Variants in SORCS2 observed in about 807,000 individuals in gnomAD.
SORCS2 encodes sortilin related VPS10 domain containing receptor 2, also known as VPS10 domain-containing receptor SorCS2.
A neutral mutation model predicts 141.6 loss-of-function variants in SORCS2; 100 were observed. The ratio of observed to expected loss-of-function variants is 0.71; its 90% CI spans 0.60 to 0.83. The LOEUF (loss-of-function observed/expected upper bound fraction) is 0.83, where lower values mean the gene tolerates loss of function less well. Ranked by LOEUF, SORCS2 falls within the 40% of genes least tolerant of loss-of-function variation. SORCS2 has a pLI of 0.00. For synonymous variants in SORCS2, 789 were observed against 676.9 expected (o/e 1.17, Z -2.57); for missense variants, 1,646 against 1,560.2 (o/e 1.05, Z -0.93).
chr4:7,697,742 C>T, intron 12 of SORCS2, among the ~76,000 whole-genome samples: 1 of 149,696 alleles, frequency 6.7e-6, no homozygotes, highest in South Asian at 2.1e-4. Flanking sequence ...GCTGTGGACA[C>T]AGCAGTGAAA....
chr4:7,307,896 ATGTC>A (rs1375660821), intron 1 of SORCS2, among the ~76,000 whole-genome samples: 2 of 150,954 alleles, frequency 1.3e-5, no homozygotes, highest in East Asian at 1.9e-4. Context: ...GTTTGTGTAT[ATGTC>A]TGTGCATGAG....
At chr4:7,713,148 G>T (rs1284140633) in intron 15 of SORCS2, among the ~76,000 whole-genome samples, 5 of 152,102 alleles carry the variant, frequency 3.3e-5, no homozygotes, top group African/African-American at 1.2e-4. Flanking sequence ...TGGGGTTCAG[G>T]ATGTTCAGAT....
intron 3 of SORCS2, among the ~76,000 whole-genome samples, chr4:7,572,933 T>C (rs766545615): frequency 6.6e-6 from 1 of 152,250 alleles, no homozygotes; most frequent in Admixed American, 6.5e-5. Flanking sequence ...TTTCATAACA[T>C]TGGAAATATT....
intron 1 of SORCS2, among the ~76,000 whole-genome samples, chr4:7,251,050 TGTGG>T (rs1713479273): frequency 6.6e-6 from 1 of 152,254 alleles, no homozygotes; most frequent in South Asian, 2.1e-4. Context: ...GACAGAGCTC[TGTGG>T]GTCCCAGTAT....
At chr4:7,475,838 C>T (rs1403149658) in intron 2 of SORCS2, among the ~76,000 whole-genome samples, 1 of 152,252 alleles carries the variant, frequency 6.6e-6, no homozygotes, top group African/African-American at 2.4e-5. Context: ...TCAGAGAATG[C>T]ACTCAGGCCA....
At position 7,233,546 on chromosome 4, in the gene SORCS2, G is replaced by A. The variant is rs780371491; in HGVS notation, c.480+40420G>A. On this transcript the variant is annotated intron_variant, in intron 1 of 26. Coordinates refer to ENST00000507866, the MANE Select transcript of SORCS2 (RefSeq NM_020777.3). This position sits in a 1 kb window ranked among gnomAD's most constrained non-coding sequence, Gnocchi z 4.5. ...TCAGGGTGAGCAGACACTGGCAGCT[G>A]TGGTGGTGGGTGGACGGGGTGGGTG... Among the ~76,000 whole-genome samples, 1 of 152,178 alleles carries A rather than the reference G, an allele frequency of 6.6e-6. No individual in the cohort carries two copies. Among genetic ancestry groups the A allele is most frequent in the Non-Finnish European group, 1.5e-5 (1 of 68,020 alleles).
intron 1 of SORCS2, among the ~76,000 whole-genome samples, chr4:7,255,550 A>T (rs73799423): frequency 0.011 from 1,695 of 152,152 alleles, 32 homozygotes; most frequent in African/African-American, 0.038. Flanking sequence ...CTGAAGCCTG[A>T]TGCCTTCTCC....
intron 3 of SORCS2, among the ~76,000 whole-genome samples, chr4:7,591,567 G>T (rs747272530): frequency 6.6e-6 from 1 of 152,220 alleles, no homozygotes; most frequent in Non-Finnish European, 1.5e-5. Flanking sequence ...TCTCCCGGGT[G>T]GTCACGGGGT....
chr4:7,682,697 A>C, intron 9 of SORCS2, 46 bp from the exon 10 acceptor site: 1 of 1,562,062 alleles, frequency 6.4e-7, no homozygotes, highest in Non-Finnish European at 8.7e-7. Flanking sequence ...TGGTCATCAG[A>C]GTGCTCCAGT....
chr4:7,677,172 G>A (rs1408791892), intron 9 of SORCS2, among the ~76,000 whole-genome samples: 2 of 152,120 alleles, frequency 1.3e-5, no homozygotes, highest in African/African-American at 2.4e-5. Flanking sequence ...TGCCGTCTGA[G>A]CTCAGATGGG....
intron 1 of SORCS2, among the ~76,000 whole-genome samples, chr4:7,272,224 G>C (rs1715193062): frequency 6.6e-6 from 1 of 152,226 alleles, no homozygotes; most frequent in Non-Finnish European, 1.5e-5. Context: ...CTCCAGGCTA[G>C]GAGAGGTAGC....
intron 3 of SORCS2, among the ~76,000 whole-genome samples, chr4:7,545,860 A>G (rs1336155396): frequency 6.6e-6 from 1 of 152,220 alleles, no homozygotes; most frequent in Admixed American, 6.5e-5. Flanking sequence ...TGGGTGACTT[A>G]AACAACAGAC....
intron 3 of SORCS2, among the ~76,000 whole-genome samples, chr4:7,600,789 C>T (rs978026157): frequency 6.6e-6 from 1 of 152,024 alleles, no homozygotes; most frequent in African/African-American, 2.4e-5. Context: ...AATATTTTGT[C>T]TTCAAATCTC....
intron 1 of SORCS2, among the ~76,000 whole-genome samples, chr4:7,373,478 A>AATTTTTTTTTTTTTT (rs1722401599): frequency 5.4e-5 from 2 of 36,824 alleles, no homozygotes; most frequent in African/African-American, 3.2e-4. Flanking sequence ...ATATATATAT[A>AATTTTTTTTTTTTTT]TTTTTTTTTT....
In SORCS2 at chr4:7,495,498, C is replaced by A. The variant is rs1577656956; in HGVS notation, c.549-36032C>A. 2.0e-5 allele frequency among the ~76,000 whole-genome samples: 3 copies of A among 152,324 alleles called. No homozygotes were observed. The East Asian group carries it at 5.8e-4, about 29-fold the overall frequency. On this transcript the variant is annotated intron_variant, in intron 2 of 26. Transcript: ENST00000507866. ...TGAGAACAGAGCTCCTTCCACAGAGCATTGTTGTGAGGTCAGCACAGGCTA... is the reference window on the plus strand; with the variant it reads ...TGAGAACAGAGCTCCTTCCACAGAGAATTGTTGTGAGGTCAGCACAGGCTA...
At chr4:7,263,170 G>A (rs1032068879) in intron 1 of SORCS2, among the ~76,000 whole-genome samples, 8 of 152,228 alleles carry the variant, frequency 5.3e-5, no homozygotes, top group African/African-American at 1.2e-4. Flanking sequence ...AAATGCAGGT[G>A]TGGGAAGTAA....
At chr4:7,579,258 G>A (rs1002410973) in intron 3 of SORCS2, among the ~76,000 whole-genome samples, 1 of 151,786 alleles carries the variant, frequency 6.6e-6, no homozygotes, top group Non-Finnish European at 1.5e-5. Context: ...ATATATATTT[G>A]TATTATTATG....
At chr4:7,298,120 C>T (rs967414179) in intron 1 of SORCS2, among the ~76,000 whole-genome samples, 3 of 152,138 alleles carry the variant, frequency 2.0e-5, no homozygotes, top group Admixed American at 6.5e-5. Flanking sequence ...AAGGAGGCGA[C>T]GGGGCTGGGG....
At chr4:7,706,940 C>A (rs936615193) in intron 14 of SORCS2, among the ~76,000 whole-genome samples, 36 of 152,132 alleles carry the variant, frequency 2.4e-4, no homozygotes, top group Non-Finnish European at 4.7e-4. Flanking sequence ...CACCACTGAC[C>A]CCTGCTGCTT....
Sources: allele counts gnomAD v4.1 joint callset (sites outside exome capture counted in the v4.1 genomes callset), GRCh38; gene constraint gnomAD v4.1.1; non-coding constraint Gnocchi (gnomAD v3.1); transcripts MANE v1.5; gene names NCBI Gene and HGNC (gene_info 2026-07-23, HGNC 2026-07-21).